The following DIDO1 variants were observed in gnomAD, a reference collection of about 807,000 sequenced individuals.
DIDO1 encodes the protein death-inducer obliterator 1.
A neutral mutation model predicts 99.4 loss-of-function variants in DIDO1; 16 were observed. That is an observed-to-expected ratio of 0.16 (90% confidence interval 0.11 to 0.24). DIDO1 has a LOEUF of 0.24. Among genes scored for constraint, DIDO1 ranks in the 10% least tolerant of loss-of-function variants. The pLI is 1.00. For synonymous variants in DIDO1, 1,366 were observed against 1,239.1 expected, an observed-to-expected ratio of 1.10 and a Z score of -2.15; for missense variants, 2,996 against 3,014.0, an observed-to-expected ratio of 0.99 and a Z score of 0.14.
At position 62,907,313 on chromosome 20, in the gene DIDO1, C is replaced by A; in HGVS notation, c.1208G>T (p.Cys403Phe). 1.2e-6 allele frequency: 2 copies of A among 1,614,234 alleles called. No homozygotes were observed. The highest frequency in any genetic ancestry group is 1.7e-6 in the Non-Finnish European group (2 of 1,180,054). Residue 403 changes from cysteine (C) to phenylalanine (F), a missense_variant, in exon 5 of 16, where the codon TGT becomes TTT. By Grantham distance (205) the Cys-to-Phe change is radical (BLOSUM62 -2). Transcript: ENST00000395343. Reference sequence around the variant, plus strand: ...CACCGAGTCGGGCTGCGCCACGTGACAGCACCCGGGGCCAATACATTTTGA... The same window carrying A: ...CACCGAGTCGGGCTGCGCCACGTGAAAGCACCCGGGGCCAATACATTTTGA... ...GASKCIGPGC[C>F]HVAQPDSVYC...
At chr20:62,883,323 C>T (rs1000950579) in intron 15 of DIDO1, among the ~76,000 whole-genome samples, 2 of 152,338 alleles carry the variant, frequency 1.3e-5, no homozygotes, top group Middle Eastern at 3.4e-3. Context: ...AAGCACAAGC[C>T]ATGAGGTCAT....
At chr20:62,893,582 C>A in intron 12 of DIDO1, 84 bp downstream of exon 12, 1 of 1,439,126 alleles carries the variant, frequency 6.9e-7, no homozygotes, top group South Asian at 1.5e-5. Flanking sequence ...TTTCCAAGTT[C>A]AACTATTTAA....
intron 15 of DIDO1, chr20:62,888,346 T>A (rs1385561057): frequency 1.0e-6 from 1 of 985,386 alleles, no homozygotes; most frequent in Non-Finnish European, 1.2e-6. Flanking sequence ...GGGAAGATGC[T>A]CCCACATCAG....
At chr20:62,924,396 T>A (rs867644641) in intron 1 of DIDO1, among the ~76,000 whole-genome samples, 20 of 152,190 alleles carry the variant, frequency 1.3e-4, no homozygotes, top group Admixed American at 1.2e-3. Flanking sequence ...CTTGGTATTA[T>A]GGGACAGGCA....
In DIDO1 at chr20:62,896,254, G is replaced by A. The variant is rs2064518144; in HGVS notation, c.2193C>T (p.Asn731=). ...ACACCTGATTTTTAGGGTCCTTCAG[G>A]TTGAACATGATGCTGCGATATTTAC... ...YKSKYRSIMF[N]LKDPKNQGLF... Residue 731 remains asparagine, a synonymous_variant, in exon 8 of 16, where the codon AAC becomes AAT. Coordinates refer to ENST00000395343, the MANE Select transcript of DIDO1 (RefSeq NM_001193369.2). This position sits in a 1 kb window ranked among gnomAD's most constrained non-coding sequence, Gnocchi z 4.4. 4 of 1,613,612 alleles carry A rather than the reference G, an allele frequency of 2.5e-6. No individual in the cohort carries two copies. Among genetic ancestry groups the A allele is most frequent in the Non-Finnish European group, 3.4e-6 (4 of 1,179,890 alleles).
At chr20:62,887,877 C>G in intron 15 of DIDO1, 1 of 985,482 alleles carries the variant, frequency 1.0e-6, no homozygotes, top group Non-Finnish European at 1.2e-6. Context: ...AGCTGCCCCC[C>G]ACCGTGATGC....
At chr20:62,931,116 T>C (rs2065328325), upstream of DIDO1, among the ~76,000 whole-genome samples, 1 of 152,178 alleles carries the variant, frequency 6.6e-6, no homozygotes, top group Non-Finnish European at 1.5e-5. Flanking sequence ...AGTTTTTGTA[T>C]TTTTTGTAGA....
intron 1 of DIDO1, among the ~76,000 whole-genome samples, chr20:62,917,381 C>A (rs1568880132): frequency 6.6e-6 from 1 of 152,210 alleles, no homozygotes; most frequent in Non-Finnish European, 1.5e-5. Flanking sequence ...AGAAAGCCAT[C>A]AGGTTTACAA....
chr20:62,879,611 T>G lies in DIDO1; in HGVS notation c.6345A>C (p.Arg2115Ser), dbSNP rs1460727486. The G allele has an allele frequency of 6.2e-7, 1 of 1,604,654 alleles. No homozygotes were observed. Among genetic ancestry groups the G allele is most frequent in the Non-Finnish European group, 8.5e-7 (1 of 1,179,712 alleles). The change falls in exon 16 of 16, where the codon AGA becomes AGC. Residue 2115 changes from arginine to serine, a missense_variant. Physicochemically the swap from Arg to Ser is moderately radical, Grantham distance 110. This residue lies in a region of DIDO1 where 1,562 missense variants were observed against 1,412.6 expected (regional missense o/e 1.11). Coordinates refer to ENST00000395343, the MANE Select transcript of DIDO1 (RefSeq NM_001193369.2). This position sits in a 1 kb window ranked among gnomAD's most constrained non-coding sequence, Gnocchi z 6.3. ...TCCAGTTTCGGCCGCGCTCGCGCTC[T>G]CTCCTCCTGTCCTCGGACGCCCGGC... ...AQGRASEDRR[R>S]ERERGRNWSR...
intron 1 of DIDO1, among the ~76,000 whole-genome samples, chr20:62,937,342 G>C (rs115759823): frequency 0.015 from 2,221 of 152,006 alleles, 56 homozygotes; most frequent in African/African-American, 0.049. Flanking sequence ...AAATACCCAA[G>C]TGCGGCCTCA....
At position 62,894,430 on chromosome 20, in the gene DIDO1, T is replaced by C; in HGVS notation, c.2555A>G (p.Asn852Ser). 6.2e-7 allele frequency: 1 copy of C among 1,612,690 alleles called. No homozygotes were observed. The highest frequency in any genetic ancestry group is 8.5e-7 in the Non-Finnish European group (1 of 1,180,016). Residue 852 changes from asparagine to serine, a missense_variant, in exon 11 of 16, where the codon AAC becomes AGC. Coordinates refer to ENST00000395343, the MANE Select transcript of DIDO1 (RefSeq NM_001193369.2). This position sits in a 1 kb window ranked among gnomAD's most constrained non-coding sequence, Gnocchi z 4.4. ...GTGCTCACCTGTGCAAATTTTACAGTTGAGATCGAAGAGGTGTGCGCGGTG... is the reference window on the plus strand; with the variant it reads ...GTGCTCACCTGTGCAAATTTTACAGCTGAGATCGAAGAGGTGTGCGCGGTG... ...SQHRAHLFDL[N>S]CKICTGQVPS... is the part of the protein sequence containing the mutation.
intron 15 of DIDO1, chr20:62,889,059 G>T: frequency 1.0e-6 from 1 of 985,534 alleles, no homozygotes; most frequent in Non-Finnish European, 1.2e-6. Context: ...CGTGGCCTCA[G>T]CAAGTGCCTT....
intron 4 of DIDO1, 67 bp downstream of exon 4, chr20:62,909,632 A>G: frequency 6.4e-7 from 1 of 1,572,706 alleles, no homozygotes; most frequent in East Asian, 2.2e-5. Flanking sequence ...AGGAATTTCT[A>G]TCTAGAGCGA....
rs764003100 is a variant in DIDO1 at position 62,881,034 on chromosome 20, C to A, written c.4922G>T (p.Gly1641Val). Residue 1641 changes from glycine to valine, a missense_variant, in exon 16 of 16, where the codon GGC (glycine) becomes GTC (valine). Gly to Val is a moderately radical substitution (Grantham distance 109). This residue lies in a region of DIDO1 where 1,562 missense variants were observed against 1,412.6 expected (regional missense o/e 1.11). Coordinates refer to ENST00000395343, the MANE Select transcript of DIDO1 (RefSeq NM_001193369.2). The surrounding 1 kb of genome is among the most constrained non-coding windows in gnomAD (Gnocchi z 8.3). ...GTCTCCAACCGTGGCGGGGCGGGTG[C>A]CCTCCCCAGGCTCTGCCTTCCAGCC... ...QDGWKAEPGEGTRPATVGDSS... is the reference protein window; with the variant it reads ...QDGWKAEPGEVTRPATVGDSS... 11 of 1,594,464 alleles carry A rather than the reference C, an allele frequency of 6.9e-6. No homozygotes were observed. The highest frequency in any genetic ancestry group is 8.5e-6 in the Non-Finnish European group (10 of 1,173,538).
chr20:62,919,207 C>A (rs191552425), intron 1 of DIDO1, among the ~76,000 whole-genome samples: 1 of 152,290 alleles, frequency 6.6e-6, no homozygotes, highest in African/African-American at 2.4e-5. Flanking sequence ...ATCCTTCAGA[C>A]GGCAAATTCA....
intron 6 of DIDO1, chr20:62,905,111 A>G (rs1327697534): frequency 4.0e-6 from 4 of 999,016 alleles, no homozygotes; most frequent in African/African-American, 3.5e-5. Context: ...TCTTCATTTC[A>G]TTAATTTGAA....
At position 62,878,497 on chromosome 20, in the gene DIDO1, T is replaced by G. The variant is rs1228624689; in HGVS notation, c.*736A>C. ...ACTCCTGATTATTCAAATCAAGGAC[T>G]CCTCCCTGCCCCCAAAGTACACTTA... On this transcript the variant is annotated 3_prime_UTR_variant, in exon 16 of 16. Coordinates refer to ENST00000395343, the MANE Select transcript of DIDO1 (RefSeq NM_001193369.2). 4.6e-5 allele frequency: 7 copies of G among 150,900 alleles called. No homozygotes were observed. Among genetic ancestry groups the G allele is most frequent in the Non-Finnish European group, 8.9e-5 (6 of 67,104 alleles). The allele number at this position is 150,900 out of a possible 1,614,324, so 9.3% of individuals were successfully genotyped here. A position where few individuals can be genotyped will look rare whatever the true frequency, so the allele number is the denominator to read the frequency against.
chr20:62,893,082 G>A lies in DIDO1; in HGVS notation c.3102-120C>T, dbSNP rs7272701. ...CATTCTGTCATGCAGGCTGGAGTGC[G>A]GTGGTGCAACACAGCTGGCTGCAGT... On this transcript the variant is annotated intron_variant, in intron 12 of 15. Coordinates refer to ENST00000395343, the MANE Select transcript of DIDO1 (RefSeq NM_001193369.2). 4.4e-3 allele frequency: 4,889 copies of A among 1,100,138 alleles called. 136 individuals are homozygous for A. The African/African-American group carries it at 0.064, about 14-fold the overall frequency. 68.1% of individuals were successfully genotyped at this position (1,100,138 alleles called of 1,614,324 possible).
chr20:62,933,862 T>A (rs983980779), intron 1 of DIDO1, among the ~76,000 whole-genome samples: 1 of 152,222 alleles, frequency 6.6e-6, no homozygotes, highest in Non-Finnish European at 1.5e-5. Context: ...CTCCCCTTTT[T>A]AAAAACTCAT....
Sources: allele counts gnomAD v4.1 joint callset (sites outside exome capture counted in the v4.1 genomes callset), GRCh38; gene constraint gnomAD v4.1.1; regional missense constraint gnomAD v4.1.1; non-coding constraint Gnocchi (gnomAD v3.1); transcripts MANE v1.5; gene names NCBI Gene and HGNC (gene_info 2026-07-23, HGNC 2026-07-21).